LUZP2: variants seen among roughly 807,000 people sequenced by gnomAD.
LUZP2 encodes leucine zipper protein 2.
A neutral mutation model predicts 51.6 loss-of-function variants in LUZP2; 52 were observed. The ratio of observed to expected loss-of-function variants is 1.01; its 90% CI spans 0.81 to 1.27. The LOEUF (loss-of-function observed/expected upper bound fraction) is 1.27. Among genes scored for constraint, LUZP2 ranks in the 50% most tolerant of loss-of-function variants. The pLI is 0.00. For synonymous variants in LUZP2, 154 were observed against 137.3 expected (o/e 1.12, Z -0.85); for missense variants, 436 against 395.4 (o/e 1.10, Z -0.87).
intron 5 of LUZP2, among the ~76,000 whole-genome samples, chr11:24,893,772 GCACACACACACACACACACA>G (rs34127798): frequency 1.7e-4 from 26 of 149,536 alleles, no homozygotes; most frequent in African/African-American, 6.1e-4. Flanking sequence ...AAATACACAC[GCACACACACACACACACACA>G]CACACACGCA....
intron 1 of LUZP2, among the ~76,000 whole-genome samples, chr11:24,553,443 T>C (rs1284534863): frequency 3.9e-5 from 6 of 152,084 alleles, no homozygotes; most frequent in African/African-American, 1.4e-4. Flanking sequence ...AAAGCAATTA[T>C]GAGTATTTGA....
intron 9 of LUZP2, among the ~76,000 whole-genome samples, chr11:25,015,046 A>C (rs904331000): frequency 6.6e-6 from 1 of 152,168 alleles, no homozygotes; most frequent in African/African-American, 2.4e-5. Context: ...GGTTTGTCAA[A>C]GATCAGATAG....
chr11:24,730,822 C>A (rs1858685973), intron 2 of LUZP2, among the ~76,000 whole-genome samples: 1 of 151,678 alleles, frequency 6.6e-6, no homozygotes, highest in South Asian at 2.1e-4. Context: ...TATGGAGCTA[C>A]ATTTGCTGAA....
At chr11:24,878,897 G>A (rs1054584912) in intron 5 of LUZP2, among the ~76,000 whole-genome samples, 1 of 151,890 alleles carries the variant, frequency 6.6e-6, no homozygotes, top group African/African-American at 2.4e-5. Flanking sequence ...TGTGGTAGTC[G>A]CTGAGGATGA....
chr11:24,675,376 C>T (rs1204443755), intron 1 of LUZP2, among the ~76,000 whole-genome samples: 8 of 152,202 alleles, frequency 5.3e-5, no homozygotes, highest in Admixed American at 5.2e-4. Flanking sequence ...TTTTAGAGAA[C>T]ATAGATGATG....
intron 4 of LUZP2, among the ~76,000 whole-genome samples, chr11:24,753,060 A>G (rs1859651446): frequency 6.6e-6 from 1 of 152,174 alleles, no homozygotes; most frequent in African/African-American, 2.4e-5. Context: ...GGAAGACACT[A>G]TATACTCGCA....
At chr11:24,728,254 A>G (rs1836349054) in intron 1 of LUZP2, among the ~76,000 whole-genome samples, 1 of 151,992 alleles carries the variant, frequency 6.6e-6, no homozygotes, top group Admixed American at 6.6e-5. Flanking sequence ...ACCTGGCATC[A>G]TTAGTAAATA....
chr11:24,884,269 G>T (rs1392923071), intron 5 of LUZP2, among the ~76,000 whole-genome samples: 1 of 151,944 alleles, frequency 6.6e-6, no homozygotes, highest in African/African-American at 2.4e-5. Context: ...TGTACATTTT[G>T]ACCATAAACA....
chr11:24,906,011 A>T lies in LUZP2; in HGVS notation c.417A>T (p.Lys139Asn). ...CTCAGAATAAAAGCTTGAAAAACAA[A>T]CTCTTGTCAGGAAACAAGCTCTGTG... ...LQNENKSLKN[K>N]LLSGNKLCGI... Residue 139 changes from lysine to asparagine, a missense_variant, in exon 6 of 12, where the codon AAA becomes AAT. By Grantham distance (94) the Lys-to-Asn change is moderately conservative. Coordinates refer to ENST00000336930, the MANE Select transcript of LUZP2 (RefSeq NM_001009909.4). 1.2e-6 allele frequency: 2 copies of T among 1,613,110 alleles called. No individual in the cohort carries two copies. The highest frequency in any genetic ancestry group is 1.7e-6 in the Non-Finnish European group (2 of 1,179,436).
intron 1 of LUZP2, among the ~76,000 whole-genome samples, chr11:24,530,312 A>G (rs1198695118): frequency 6.6e-6 from 1 of 150,894 alleles, no homozygotes; most frequent in Non-Finnish European, 1.5e-5. Flanking sequence ...TTTCTGCTCG[A>G]CATCTGTAAT....
intron 1 of LUZP2, among the ~76,000 whole-genome samples, chr11:24,500,074 A>G (rs1336573228): frequency 6.6e-6 from 1 of 152,180 alleles, no homozygotes; most frequent in Non-Finnish European, 1.5e-5. Flanking sequence ...CCTTTTCTGA[A>G]GCAACTTTAG....
chr11:25,054,215 T>A (rs2134028391), intron 10 of LUZP2, among the ~76,000 whole-genome samples: 1 of 152,322 alleles, frequency 6.6e-6, no homozygotes, highest in East Asian at 1.9e-4. Flanking sequence ...ATTATCAGTC[T>A]GTTCAGCTTT....
chr11:24,839,509 T>C (rs1307888710), intron 5 of LUZP2, among the ~76,000 whole-genome samples: 1 of 151,734 alleles, frequency 6.6e-6, no homozygotes, highest in Non-Finnish European at 1.5e-5. Context: ...TTGCATGTGC[T>C]ACTGAATTTA....
intron 1 of LUZP2, among the ~76,000 whole-genome samples, chr11:24,602,082 GTGTATATA>G (rs1275427139): frequency 3.3e-5 from 4 of 122,428 alleles, no homozygotes; most frequent in Admixed American, 1.8e-4. Flanking sequence ...GCGTATATAT[GTGTATATA>G]TGTATATATG....
chr11:24,672,042 G>C (rs1856416367), intron 1 of LUZP2, among the ~76,000 whole-genome samples: 1 of 152,064 alleles, frequency 6.6e-6, no homozygotes, highest in African/African-American at 2.4e-5. Context: ...TTCCAGAACA[G>C]CTGCATTTGT....
At chr11:24,780,070 T>A (rs1345068485) in intron 5 of LUZP2, among the ~76,000 whole-genome samples, 1 of 152,186 alleles carries the variant, frequency 6.6e-6, no homozygotes, top group Non-Finnish European at 1.5e-5. Flanking sequence ...AATTATTAAA[T>A]AATAAATTTC....
chr11:24,923,417 C>T (rs1170534959), intron 7 of LUZP2, among the ~76,000 whole-genome samples: 1 of 151,548 alleles, frequency 6.6e-6, no homozygotes, highest in Non-Finnish European at 1.5e-5. Flanking sequence ...CAGGATTCGG[C>T]TGGGCGCGGT....
intron 1 of LUZP2, among the ~76,000 whole-genome samples, chr11:24,726,064 T>C (rs1226004330): frequency 3.9e-5 from 6 of 152,132 alleles, no homozygotes; most frequent in African/African-American, 1.4e-4. Context: ...TATCTATTAT[T>C]TGAGGTACCC....
intron 5 of LUZP2, among the ~76,000 whole-genome samples, chr11:24,829,162 G>A (rs1044984186): frequency 1.3e-5 from 2 of 152,128 alleles, no homozygotes; most frequent in African/African-American, 2.4e-5. Context: ...CTGCTTCAGA[G>A]AACAAACAAA....
Sources: allele counts gnomAD v4.1 joint callset (sites outside exome capture counted in the v4.1 genomes callset), GRCh38; gene constraint gnomAD v4.1.1; transcripts MANE v1.5; gene names NCBI Gene and HGNC (gene_info 2026-07-23, HGNC 2026-07-21).